Variants in NELL1 observed in about 807,000 individuals in gnomAD.
NELL1 encodes neural EGFL like 1.
A neutral mutation model predicts 107.4 loss-of-function variants in NELL1; 76 were observed. The observed-to-expected ratio is 0.71, with a 90% confidence interval of 0.59 to 0.86. The LOEUF is 0.86. NELL1 is among the 40% of genes least tolerant of loss of function. The pLI is 0.00. For synonymous variants in NELL1, 353 were observed against 341.2 expected, an observed-to-expected ratio of 1.03 and a Z score of -0.38; for missense variants, 1,024 against 1,005.5, an observed-to-expected ratio of 1.02 and a Z score of -0.25.
At chr11:21,358,614 G>T (rs1282045213) in intron 14 of NELL1, among the ~76,000 whole-genome samples, 1 of 93,348 alleles carries the variant, frequency 1.1e-5, no homozygotes, top group Non-Finnish European at 2.1e-5. Flanking sequence ...ATGGGGTTTT[G>T]CCATATTGGT....
At chr11:21,213,944 G>A (rs1368478567) in intron 13 of NELL1, among the ~76,000 whole-genome samples, 1 of 152,222 alleles carries the variant, frequency 6.6e-6, no homozygotes, top group South Asian at 2.1e-4. Context: ...TACATTAAAA[G>A]CACTATATAT....
intron 12 of NELL1, among the ~76,000 whole-genome samples, chr11:20,997,501 G>A (rs1052237459): frequency 2.0e-5 from 3 of 152,138 alleles, no homozygotes; most frequent in African/African-American, 7.2e-5. Context: ...TGTGGAATAT[G>A]AATATAATTT....
At chr11:21,176,377 C>T (rs1856712698) in intron 13 of NELL1, among the ~76,000 whole-genome samples, 1 of 151,702 alleles carries the variant, frequency 6.6e-6, no homozygotes, top group African/African-American at 2.4e-5. Flanking sequence ...TTCCAGAGCC[C>T]TCTTGTCTTA....
intron 12 of NELL1, among the ~76,000 whole-genome samples, chr11:21,084,698 C>A (rs1258431540): frequency 6.6e-6 from 1 of 152,194 alleles, no homozygotes; most frequent in African/African-American, 2.4e-5. Flanking sequence ...TGCCAGTCAT[C>A]TTACTGTGTT....
intron 12 of NELL1, among the ~76,000 whole-genome samples, chr11:21,038,145 T>G (rs1853141234): frequency 1.3e-5 from 2 of 152,166 alleles, no homozygotes; most frequent in South Asian, 4.1e-4. Flanking sequence ...CAAGCATCCA[T>G]TCTCCCAGCT....
chr11:21,543,493 C>A (rs1856346208), intron 16 of NELL1, among the ~76,000 whole-genome samples: 2 of 151,976 alleles, frequency 1.3e-5, no homozygotes, highest in Admixed American at 1.3e-4. Flanking sequence ...GGAAAAAGAT[C>A]AGTATTATCA....
intron 11 of NELL1, among the ~76,000 whole-genome samples, chr11:20,953,901 G>A (rs1272585840): frequency 6.6e-6 from 1 of 152,166 alleles, no homozygotes; most frequent in Admixed American, 6.5e-5. Flanking sequence ...CTAGAATGTA[G>A]GATGAATGCG....
chr11:20,926,714 TG>T (rs1416543878), intron 7 of NELL1, among the ~76,000 whole-genome samples: 1 of 152,174 alleles, frequency 6.6e-6, no homozygotes, highest in Non-Finnish European at 1.5e-5. Context: ...TGATCTTACC[TG>T]GGGTTTTGGT....
At chr11:21,238,749 G>T (rs1219959118) in intron 14 of NELL1, among the ~76,000 whole-genome samples, 1 of 152,070 alleles carries the variant, frequency 6.6e-6, no homozygotes, top group African/African-American at 2.4e-5. Context: ...AGAGGCTGTT[G>T]TAAGAGTTGT....
intron 14 of NELL1, among the ~76,000 whole-genome samples, chr11:21,366,723 T>C (rs1851230767): frequency 6.6e-6 from 1 of 151,988 alleles, no homozygotes; most frequent in Admixed American, 6.6e-5. Flanking sequence ...TTCAGGAAAA[T>C]GCTGCCTCAA....
intron 15 of NELL1, among the ~76,000 whole-genome samples, chr11:21,402,816 C>T (rs940932033): frequency 1.3e-5 from 2 of 151,652 alleles, no homozygotes; most frequent in Non-Finnish European, 2.9e-5. Context: ...CTATTAGGAG[C>T]ATATGAAGCC....
At chr11:21,243,037 C>G (rs983282610) in intron 14 of NELL1, among the ~76,000 whole-genome samples, 3 of 152,042 alleles carry the variant, frequency 2.0e-5, no homozygotes, top group Non-Finnish European at 2.9e-5. Flanking sequence ...CCTTTTTAAA[C>G]TTGCAACAGA....
intron 12 of NELL1, among the ~76,000 whole-genome samples, chr11:21,008,317 G>C (rs1453270085): frequency 6.6e-6 from 1 of 152,008 alleles, no homozygotes; most frequent in African/African-American, 2.4e-5. Flanking sequence ...TATTATGAAG[G>C]CTAAATTGAT....
rs774899439 is a variant in NELL1, at chr11:21,074,213, C to G, written c.1301-39376C>G. Among the ~76,000 whole-genome samples, 4 of 152,120 alleles carry G rather than the reference C, an allele frequency of 2.6e-5. No individual in the cohort carries two copies. The South Asian group carries it at 6.2e-4, about 24-fold the overall frequency. On this transcript the variant is annotated intron_variant, in intron 12 of 19. Transcript: ENST00000357134. ...TAAAAATACATAATCTGAGTACCCT[C>G]CCAGACCTACTGAATCAGATTCTGC... is the stretch of plus-strand genomic sequence containing the variant.
intron 12 of NELL1, among the ~76,000 whole-genome samples, chr11:21,017,440 C>T (rs754856581): frequency 1.3e-5 from 2 of 152,038 alleles, no homozygotes; most frequent in Non-Finnish European, 2.9e-5. Flanking sequence ...TTTTGTGTTC[C>T]TAGTTCTTCC....
At chr11:20,795,817 A>G (rs994588036) in intron 3 of NELL1, among the ~76,000 whole-genome samples, 6 of 152,122 alleles carry the variant, frequency 3.9e-5, no homozygotes, top group Non-Finnish European at 7.4e-5. Flanking sequence ...TTTTCAAAAG[A>G]TACTCTTCAG....
intron 3 of NELL1, among the ~76,000 whole-genome samples, chr11:20,844,746 A>G (rs186458230): frequency 1.3e-4 from 20 of 152,354 alleles, no homozygotes; most frequent in African/African-American, 4.3e-4. Flanking sequence ...AGATGTAAAC[A>G]TAGAACATGA....
chr11:21,200,893 T>C (rs971248342), intron 13 of NELL1, among the ~76,000 whole-genome samples: 7 of 152,226 alleles, frequency 4.6e-5, no homozygotes, highest in Non-Finnish European at 4.4e-5. Flanking sequence ...AAATAGAGTA[T>C]TCTTTCCCCA....
At chr11:20,928,006 T>C (rs1037425972) in intron 8 of NELL1, among the ~76,000 whole-genome samples, 1 of 152,230 alleles carries the variant, frequency 6.6e-6, no homozygotes, top group Non-Finnish European at 1.5e-5. Context: ...TTGATAAATA[T>C]CTGAAGAATG....
Sources: allele counts gnomAD v4.1 joint callset (sites outside exome capture counted in the v4.1 genomes callset), GRCh38; gene constraint gnomAD v4.1.1; transcripts MANE v1.5; gene names NCBI Gene and HGNC (gene_info 2026-07-23, HGNC 2026-07-21).